PCDHGA4: variants seen among roughly 807,000 people sequenced by gnomAD.
PCDHGA4 encodes the protein protocadherin gamma subfamily A, 4.
Under a neutral mutation model 54.6 loss-of-function variants are expected in PCDHGA4, and 38 were observed. That is an observed-to-expected ratio of 0.70 (90% CI 0.54 to 0.91). The LOEUF is 0.91. Among genes scored for constraint, PCDHGA4 ranks in the 40% least tolerant of loss-of-function variants. The pLI, the probability that PCDHGA4 is intolerant of heterozygous loss-of-function variation, is 0.00. For synonymous variants in PCDHGA4, 511 were observed against 512.9 expected (o/e 1.00, Z 0.05); for missense variants, 1,298 against 1,220.9 (o/e 1.06, Z -0.94).
intron 1 of PCDHGA4, chr5:141,378,737 T>C (rs982541693): frequency 3.3e-5 from 5 of 152,152 alleles, no homozygotes; most frequent in African/African-American, 1.2e-4. Flanking sequence ...TATTGAAATA[T>C]TTCAAGAAAA....
chr5:141,386,534 T>A (rs1561611722), intron 1 of PCDHGA4, among the ~76,000 whole-genome samples: 1 of 151,950 alleles, frequency 6.6e-6, no homozygotes, highest in African/African-American at 2.4e-5. Context: ...CTTTTTAGAC[T>A]AGTGTTGTAT....
rs1311219092 is a variant in PCDHGA4 at position 141,372,180 on chromosome 5, G to A, written c.2514+14559G>A. 1 of 1,613,652 alleles carries A rather than the reference G, an allele frequency of 6.2e-7. No homozygotes were observed. On this transcript the variant is annotated intron_variant, in intron 1 of 3. Transcript: ENST00000571252. ...GGTGACCAAGGTGGTGGCGGTGGAC[G>A]CAGACTCGGGATACAACGCCTGGCT...
At position 141,405,406 on chromosome 5, in the gene PCDHGA4, T is replaced by C. The variant is rs750140674; in HGVS notation, c.2514+47785T>C. On this transcript the variant is annotated intron_variant, in intron 1 of 3. Coordinates refer to ENST00000571252, the MANE Select transcript of PCDHGA4 (RefSeq NM_018917.4). ...GTTCATTTTTTTTCTTTCTTTCTTTTCTTTTTTTGTTTTTTGTTTTGTTTT... is the reference window on the plus strand; with the variant it reads ...GTTCATTTTTTTTCTTTCTTTCTTTCCTTTTTTTGTTTTTTGTTTTGTTTT... 1.2e-5 allele frequency: 19 copies of C among 1,584,070 alleles called. No individual in the cohort carries two copies. The Admixed American group carries it at 1.2e-4, about 10-fold the overall frequency.
At chr5:141,482,089 C>CA (rs36035257) in intron 1 of PCDHGA4, among the ~76,000 whole-genome samples, 13,509 of 134,292 alleles carry the variant, frequency 0.1, 910 homozygotes, top group African/African-American at 0.2. Context: ...CACTCCATCT[C>CA]AAAAAAAAAA....
intron 1 of PCDHGA4, among the ~76,000 whole-genome samples, chr5:141,435,921 C>T (rs767290430): frequency 1.3e-5 from 2 of 152,186 alleles, no homozygotes; most frequent in Admixed American, 6.5e-5. Context: ...CTCTAAAATG[C>T]GGCAGTTGCT....
intron 1 of PCDHGA4, chr5:141,366,661 C>A (rs976652914): frequency 1.2e-6 from 2 of 1,614,268 alleles, no homozygotes; most frequent in Admixed American, 3.3e-5. Flanking sequence ...ACTACGCAGA[C>A]ACGCTCCTTA....
rs951502238 is a variant in PCDHGA4 at position 141,478,263 on chromosome 5, A to G, written c.2515-16544A>G. ...ACAGTGTTCGGAGTAATCATATTCA[A>G]AGTTTACAAGTGGAAGCAGTCTAGA... On this transcript the variant is annotated intron_variant, in intron 1 of 3. Coordinates refer to ENST00000571252, the MANE Select transcript of PCDHGA4 (RefSeq NM_018917.4). The G allele has an allele frequency of 2.5e-6, 4 of 1,614,046 alleles. No individual in the cohort carries two copies. The African/African-American group carries it at 5.3e-5, about 22-fold the overall frequency.
intron 1 of PCDHGA4, chr5:141,428,680 G>T: frequency 6.1e-6 from 1 of 162,778 alleles, no homozygotes; most frequent in Admixed American, 5.8e-5. Context: ...ATTTACAAAT[G>T]GATGAGGTTT....
intron 1 of PCDHGA4, chr5:141,414,628 A>T (rs1471507988): frequency 4.3e-6 from 7 of 1,613,900 alleles, no homozygotes; most frequent in Non-Finnish European, 5.9e-6. Flanking sequence ...GGACCCGGAC[A>T]GCAAAGAGAA....
chr5:141,382,904 C>T (rs1286843210), intron 1 of PCDHGA4: 3 of 1,543,132 alleles, frequency 1.9e-6, no homozygotes, highest in Non-Finnish European at 1.7e-6. Flanking sequence ...ACGACTATGG[C>T]GGCTCAGCCG....
chr5:141,489,776 C>T lies in PCDHGA4; in HGVS notation c.2515-5031C>T. The T allele has an allele frequency of 6.2e-7, 1 of 1,614,202 alleles. No homozygotes were observed. Among genetic ancestry groups the T allele is most frequent in the Non-Finnish European group, 8.5e-7 (1 of 1,180,020 alleles). On this transcript the variant is annotated intron_variant, in intron 1 of 3. Transcript: ENST00000571252. This position sits in a 1 kb window ranked among gnomAD's most constrained non-coding sequence, Gnocchi z 4.5. ...ACTCTAAGCCCCAACAGCCACTTCT[C>T]TCTGAATGTGAAGACCCTAAAAGAT...
Position 141,477,783 on chromosome 5 carries a change from T to C in PCDHGA4, c.2515-17024T>C. 1 of 1,614,078 alleles carries C rather than the reference T, an allele frequency of 6.2e-7. No individual in the cohort carries two copies. Among genetic ancestry groups the C allele is most frequent in the Non-Finnish European group, 8.5e-7 (1 of 1,180,028 alleles). On this transcript the variant is annotated intron_variant, in intron 1 of 3. Coordinates refer to ENST00000571252, the MANE Select transcript of PCDHGA4 (RefSeq NM_018917.4). The surrounding 1 kb of genome is among the most constrained non-coding windows in gnomAD (Gnocchi z 4.9). ...GCCACCAACATCAGCGTGAACATAT[T>C]TGTCACTGATCGCAATGACAATGCC...
chr5:141,463,438 CTTTTTTTTTTTT>C (rs71576115), intron 1 of PCDHGA4, among the ~76,000 whole-genome samples: 6 of 103,254 alleles, frequency 5.8e-5, no homozygotes, highest in Admixed American at 3.1e-4. Flanking sequence ...TTTCCTTCTC[CTTTTTTTTTTTT>C]TTTTTTTTTT....
chr5:141,491,901 G>C lies in PCDHGA4; in HGVS notation c.2515-2906G>C, dbSNP rs1196717010. 1 of 1,429,696 alleles carries C rather than the reference G, an allele frequency of 7.0e-7. No homozygotes were observed. The highest frequency in any genetic ancestry group is 9.3e-7 in the Non-Finnish European group (1 of 1,080,148). 88.6% of individuals were successfully genotyped at this position (1,429,696 alleles called of 1,614,324 possible). ...AAGGGATGGGGCTCCGAGCACCGGG[G>C]GTGGTGGCGACTGTGGGCGAGGGGA... On this transcript the variant is annotated intron_variant, in intron 1 of 3. Transcript: ENST00000571252. The surrounding 1 kb of genome is among the most constrained non-coding windows in gnomAD (Gnocchi z 6.9).
intron 1 of PCDHGA4, among the ~76,000 whole-genome samples, chr5:141,467,332 C>T (rs985838492): frequency 6.6e-6 from 1 of 152,124 alleles, no homozygotes; most frequent in Non-Finnish European, 1.5e-5. Context: ...GGATTAGAGA[C>T]GTAAGCCACT....
intron 1 of PCDHGA4, chr5:141,361,176 T>A (rs2149821588): frequency 6.2e-7 from 1 of 1,613,882 alleles, no homozygotes; most frequent in Non-Finnish European, 8.5e-7. Flanking sequence ...CACCTGAAGT[T>A]ATTGTGACTT....
At chr5:141,364,743 TA>T in intron 1 of PCDHGA4, 1 of 1,613,916 alleles carries the variant, frequency 6.2e-7, no homozygotes. Context: ...GATGAAGAGT[TA>T]AAAGTAAAAG....
At chr5:141,415,560 GT>G in intron 1 of PCDHGA4, 1 of 1,613,936 alleles carries the variant, frequency 6.2e-7, no homozygotes, top group Non-Finnish European at 8.5e-7. Flanking sequence ...ACGATCCTTT[GT>G]CTTTGTTAGA....
At chr5:141,370,963 G>T (rs1281017777) in intron 1 of PCDHGA4, 1 of 1,614,018 alleles carries the variant, frequency 6.2e-7, no homozygotes, top group Non-Finnish European at 8.5e-7. Context: ...GATGGCAGTA[G>T]GTACCCAGAG....
Sources: gnomAD v4.1 joint callset for allele counts (sites outside exome capture counted in the v4.1 genomes callset) on GRCh38, gnomAD v4.1.1 for gene constraint, Gnocchi (gnomAD v3.1) non-coding constraint, MANE v1.5 for transcripts, NCBI Gene and HGNC (gene_info 2026-07-23, HGNC 2026-07-21) for gene names.